Variants in ZNF276 observed in about 807,000 individuals in gnomAD.
ZNF276 encodes zinc finger protein 276.
ZNF276 carries 59 observed loss-of-function variants against 63.9 expected under a neutral mutation model. The ratio of observed to expected loss-of-function variants is 0.92; its 90% CI spans 0.75 to 1.15. The LOEUF is 1.15. Among genes scored for constraint, ZNF276 ranks in the 50% most tolerant of loss-of-function variants. The pLI, the probability that ZNF276 is intolerant of heterozygous loss-of-function variation, is 0.00. For synonymous variants in ZNF276, 496 were observed against 348.4 expected, an observed-to-expected ratio of 1.42 and a Z score of -4.72; for missense variants, 1,084 against 843.8, an observed-to-expected ratio of 1.28 and a Z score of -3.53.
chr16:89,731,689 G>C (rs1209844738), intron 6 of ZNF276: 1 of 152,270 alleles, frequency 6.6e-6, no homozygotes, highest in Admixed American at 6.5e-5. Context: ...CTCCCAGGGT[G>C]CTGGGACTGC....
At chr16:89,721,970 G>T (rs1020306422) in intron 1 of ZNF276, 125 bp downstream of exon 1, 2 of 678,434 alleles carry the variant, frequency 2.9e-6, no homozygotes, top group Non-Finnish European at 2.0e-6. Context: ...TAGCGGACTC[G>T]GGGCTGCGTC....
intron 9 of ZNF276, 162 bp from the exon 10 acceptor site, chr16:89,737,644 C>G: frequency 2.2e-6 from 3 of 1,383,260 alleles, no homozygotes; most frequent in Non-Finnish European, 2.9e-6. Flanking sequence ...GTTTAAAGAT[C>G]TTAATAAACG....
At chr16:89,729,618 G>C (rs1164962442) in intron 6 of ZNF276, among the ~76,000 whole-genome samples, 2 of 152,178 alleles carry the variant, frequency 1.3e-5, no homozygotes, top group African/African-American at 2.4e-5. Flanking sequence ...CGCCTTGCTT[G>C]AGAAGGAGGC....
In ZNF276 at chr16:89,722,567, T is replaced by C; in HGVS notation, c.242T>C (p.Leu81Pro). The C allele has an allele frequency of 6.2e-7, 1 of 1,612,458 alleles. No individual in the cohort carries two copies. The highest frequency in any genetic ancestry group is 8.5e-7 in the Non-Finnish European group (1 of 1,179,976). Reference sequence around the variant, plus strand: ...GCTCTCGCCATGGGTCACTGTCGCCTCTGCCACGGGAAGTTTTCCTCGAGA... The same window carrying C: ...GCTCTCGCCATGGGTCACTGTCGCCCCTGCCACGGGAAGTTTTCCTCGAGA... ...GRALAMGHCR[L>P]CHGKFSSRSL... Residue 81 changes from leucine to proline, a missense_variant, in exon 2 of 11, where the codon CTC becomes CCC. By Grantham distance (98) the Leu-to-Pro change is moderately conservative. Coordinates refer to ENST00000443381, the MANE Select transcript of ZNF276 (RefSeq NM_001113525.2).
Position 89,739,720 on chromosome 16 carries a change from G to A in ZNF276, c.*1474G>A, listed in dbSNP as rs2062077150. On this transcript the variant is annotated 3_prime_UTR_variant, in exon 11 of 11. Coordinates refer to ENST00000443381, the MANE Select transcript of ZNF276 (RefSeq NM_001113525.2). ...TACCCAGGTACCTGTCAGCAGCTGG[G>A]AGAGGATGGGGGGGTCGACCTCTTG... The A allele has an allele frequency of 6.6e-7, 1 of 1,507,148 alleles. No individual in the cohort carries two copies. The highest frequency in any genetic ancestry group is 1.4e-5 in the African/African-American group (1 of 72,474). 93.4% of individuals were successfully genotyped at this position (1,507,148 alleles called of 1,614,324 possible).
In ZNF276 at chr16:89,733,471, C is replaced by G; in HGVS notation, c.1281-11C>G. The G allele has an allele frequency of 6.2e-7, 1 of 1,614,178 alleles. No individual in the cohort carries two copies. The highest frequency in any genetic ancestry group is 1.3e-5 in the African/African-American group (1 of 75,060). ...TCGGGGCCGGGGCTCCATGCATGCT[C>G]TTCATTGCAGGGAGGAGCTTCCCAC... On this transcript the variant is annotated splice_polypyrimidine_tract_variant and intron_variant, in intron 7 of 10. Coordinates refer to ENST00000443381, the MANE Select transcript of ZNF276 (RefSeq NM_001113525.2).
chr16:89,735,387 A>C (rs2061823555), intron 9 of ZNF276, among the ~76,000 whole-genome samples: 2 of 152,154 alleles, frequency 1.3e-5, no homozygotes, highest in Admixed American at 6.6e-5. Flanking sequence ...AGAATTATTT[A>C]TTCTTACTTG....
chr16:89,722,681 G>C lies in ZNF276; in HGVS notation c.356G>C (p.Arg119Pro). ...EERVLVRDFQ[R>P]LLGVAVRQDP... The stretch of plus-strand genomic sequence containing the variant: ...CGCGTGCTCGTACGGGACTTCCAGC[G>C]CCTGCTTGGTGTGGCTGTCCGCCAG... The change falls in exon 2 of 11, where the codon CGC becomes CCC. Residue 119 changes from arginine (R) to proline (P), a missense_variant. Transcript: ENST00000443381. The C allele has an allele frequency of 6.2e-7, 1 of 1,612,322 alleles. No individual in the cohort carries two copies. Among genetic ancestry groups the C allele is most frequent in the Non-Finnish European group, 8.5e-7 (1 of 1,180,026 alleles).
chr16:89,734,758 G>C (rs542010077), intron 9 of ZNF276, among the ~76,000 whole-genome samples: 1 of 152,038 alleles, frequency 6.6e-6, no homozygotes, highest in Non-Finnish European at 1.5e-5. Context: ...GACCGGAGGC[G>C]GATGGGGGAA....
intron 2 of ZNF276, 71 bp from the exon 3 acceptor site, chr16:89,723,066 G>A (rs1269071881): frequency 6.2e-7 from 1 of 1,611,560 alleles, no homozygotes; most frequent in Non-Finnish European, 8.5e-7. Flanking sequence ...GATCTCGAGA[G>A]GGTCCCGTAC....
chr16:89,727,646 AG>A (rs2061509222), intron 5 of ZNF276, among the ~76,000 whole-genome samples: 2 of 152,212 alleles, frequency 1.3e-5, no homozygotes, highest in Non-Finnish European at 2.9e-5. Context: ...CCTGGGTGCC[AG>A]AGAGCACTCC....
chr16:89,740,831 G>T lies in ZNF276; in HGVS notation c.*2585G>T, dbSNP rs143772894. The T allele has an allele frequency of 6.2e-7, 1 of 1,613,430 alleles. No individual in the cohort carries two copies. The highest frequency in any genetic ancestry group is 1.3e-5 in the African/African-American group (1 of 74,840). On this transcript the variant is annotated 3_prime_UTR_variant, in exon 11 of 11. Transcript: ENST00000443381. ...TTGAGGTCAGATGTGACGACAGCAG[G>T]CCCATCAAGGAGAAGAAGAAAAGGA...
Position 89,722,631 on chromosome 16 carries a change from C to T in ZNF276, c.306C>T (p.Ser102=). The change falls in exon 2 of 11, where the codon AGC becomes AGT. Residue 102 remains serine (S), a synonymous_variant. Transcript: ENST00000443381. ...TCTCCGAGAGGGCGCCTGGAGCGAG[C>T]ATGGAGAGGCCATCCGCAGAGGAGC... ...RSISERAPGA[S]MERPSAEERV... 8 of 1,612,006 alleles carry T rather than the reference C, an allele frequency of 5.0e-6. No individual in the cohort carries two copies. The highest frequency in any genetic ancestry group is 6.8e-6 in the Non-Finnish European group (8 of 1,180,018).
At chr16:89,732,224 G>A (rs2061677087) in intron 6 of ZNF276, 1 of 152,368 alleles carries the variant, frequency 6.6e-6, no homozygotes, top group East Asian at 1.9e-4. Flanking sequence ...GTCCCTCAGG[G>A]ACTTGCCAGA....
rs1319764625 is a variant in ZNF276 at position 89,721,811 on chromosome 16, C to A, written c.171C>A (p.Cys57Ter). Reference sequence around the variant, plus strand: ...GCGCCTGGGGCCCGGTGGGGTCCTGCGGGGACGCGGGCGAGGACGGCGCGG... The same window carrying A: ...GCGCCTGGGGCCCGGTGGGGTCCTGAGGGGACGCGGGCGAGGACGGCGCGG... ...ARRAWGPVGS[C>*]GDAGEDGADE... The change falls in exon 1 of 11, where the codon TGC (cysteine) becomes TGA (stop). Residue 57 changes from cysteine to a stop codon, truncating the protein, a stop_gained. Transcript: ENST00000443381. LOFTEE classifies it high-confidence loss of function. 5 of 1,234,994 alleles carry A rather than the reference C, an allele frequency of 4.0e-6. No homozygotes were observed. The East Asian group carries it at 1.6e-4, about 40-fold the overall frequency. The allele number at this position is 1,234,994 out of a possible 1,614,324, so 76.5% of individuals were successfully genotyped here.
upstream of ZNF276, chr16:89,720,744 CG>C: frequency 7.0e-7 from 1 of 1,432,290 alleles, no homozygotes; most frequent in Non-Finnish European, 9.2e-7. Flanking sequence ...GGCCAAGCCC[CG>C]CCCCCGCCCC....
Position 89,733,333 on chromosome 16 carries a change from G to C in ZNF276, c.1201G>C (p.Ala401Pro). The change falls in exon 7 of 11, where the codon GCC (alanine) becomes CCC (proline). Residue 401 changes from alanine (A) to proline (P), a missense_variant. Coordinates refer to ENST00000443381, the MANE Select transcript of ZNF276 (RefSeq NM_001113525.2). ...VSGKKSESKE[A>P]KKSEEPRIRK... The stretch of plus-strand genomic sequence containing the variant: ...TGGTAAGAAGAGTGAAAGCAAAGAA[G>C]CCAAGAAGTCTGAAGAACCAAGAAT... 1 of 1,614,166 alleles carries C rather than the reference G, an allele frequency of 6.2e-7. No homozygotes were observed. Among genetic ancestry groups the C allele is most frequent in the South Asian group, 1.1e-5 (1 of 91,090 alleles).
chr16:89,729,411 T>G, intron 6 of ZNF276, 93 bp downstream of exon 6: 1 of 1,134,174 alleles, frequency 8.8e-7, no homozygotes, highest in Non-Finnish European at 1.3e-6. Flanking sequence ...GCCCACTCAG[T>G]TCACTCTCTC....
intron 9 of ZNF276, 97 bp downstream of exon 9, chr16:89,734,135 G>A (rs189355354): frequency 8.2e-7 from 1 of 1,212,334 alleles, no homozygotes; most frequent in East Asian, 2.4e-5. Flanking sequence ...CCAAGAGTTG[G>A]GGGTGCGTGA....
Sources: gnomAD v4.1 joint callset for allele counts (sites outside exome capture counted in the v4.1 genomes callset) on GRCh38, gnomAD v4.1.1 for gene constraint, MANE v1.5 for transcripts, NCBI Gene and HGNC (gene_info 2026-07-23, HGNC 2026-07-21) for gene names.